Variants in TVP23A observed in about 807,000 individuals in gnomAD.
The protein encoded by TVP23A is trans-golgi network vesicle protein 23 homolog A, also known as Golgi apparatus membrane protein TVP23 homolog A.
In TVP23A, 21 loss-of-function variants were observed where a neutral mutation model predicts 31.7. The ratio of observed to expected loss-of-function variants is 0.66; its 90% CI spans 0.47 to 0.95. TVP23A has a LOEUF of 0.95. TVP23A is among the 40% of genes least tolerant of loss of function. TVP23A has a pLI of 0.00. For synonymous variants in TVP23A, 104 were observed against 96.0 expected, an observed-to-expected ratio of 1.08 and a Z score of -0.49; for missense variants, 279 against 255.6, an observed-to-expected ratio of 1.09 and a Z score of -0.62.
chr16:10,776,267 C>T (rs1442638957), intron 2 of TVP23A, among the ~76,000 whole-genome samples: 2 of 151,668 alleles, frequency 1.3e-5, no homozygotes, highest in East Asian at 2.0e-4. Flanking sequence ...CCCAGCTACT[C>T]GGAAGGCTGA....
Position 10,777,054 on chromosome 16 carries a change from T to A in TVP23A, c.90-1958A>T, listed in dbSNP as rs572907744. On this transcript the variant is annotated intron_variant, in intron 2 of 7. Transcript: ENST00000299866. This position sits in a 1 kb window ranked among gnomAD's most constrained non-coding sequence, Gnocchi z 4.5. ...TTAGAATGCCTTAACCGTCCAGGAA[T>A]GCAGCCCAGTAGGTCTCAGCCTCGT... is the stretch of plus-strand genomic sequence containing the variant. 2.0e-5 allele frequency among the ~76,000 whole-genome samples: 3 copies of A among 152,324 alleles called. No individual in the cohort carries two copies. The highest frequency in any genetic ancestry group is 2.0e-4 in the Admixed American group (3 of 15,298).
At chr16:10,795,754 T>TA (rs1160278460) in intron 2 of TVP23A, among the ~76,000 whole-genome samples, 1 of 152,130 alleles carries the variant, frequency 6.6e-6, no homozygotes, top group Non-Finnish European at 1.5e-5. Flanking sequence ...AATGAAATGA[T>TA]AGAGTCAGAA....
In TVP23A at chr16:10,773,354, A is replaced by C. The variant is rs2031764910; in HGVS notation, c.412T>G (p.Phe138Val). Residue 138 changes from phenylalanine (F) to valine (V), a missense_variant, in exon 5 of 8, where the codon TTT (phenylalanine) becomes GTT (valine). By Grantham distance (50) the Phe-to-Val change is conservative. Transcript: ENST00000299866. ...LIICPMIWIV[F>V]FFSTLFSLKL... ...AAGGAAAATAAGGTGCTAAAAAAAAACACAATCCATATCATGGGGCAGATT... is the reference window on the plus strand; with the variant it reads ...AAGGAAAATAAGGTGCTAAAAAAAACCACAATCCATATCATGGGGCAGATT... 1.9e-6 allele frequency: 3 copies of C among 1,610,846 alleles called. No individual in the cohort carries two copies. The highest frequency in any genetic ancestry group is 2.2e-5 in the South Asian group (2 of 89,744).
chr16:10,766,078 A>G (rs1377390945), downstream of TVP23A: 2 of 152,392 alleles, frequency 1.3e-5, no homozygotes, highest in East Asian at 3.8e-4. The surrounding 1 kb of genome is among the most constrained non-coding windows in gnomAD (Gnocchi z 4.8). Context: ...ACAGCACTTC[A>G]GTCTCCTCTG....
intron 2 of TVP23A, chr16:10,775,518 G>C (rs1280413641): frequency 1.2e-5 from 12 of 1,039,150 alleles, no homozygotes; most frequent in Non-Finnish European, 1.3e-5. Flanking sequence ...CACGGGGCAG[G>C]TGTCTCATGT....
At chr16:10,802,576 G>A (rs746764260) in intron 2 of TVP23A, among the ~76,000 whole-genome samples, 9 of 152,040 alleles carry the variant, frequency 5.9e-5, no homozygotes, top group African/African-American at 1.4e-4. Flanking sequence ...CAGTGCACTC[G>A]TCCAATTAGT....
At chr16:10,802,101 TACACACACAC>T (rs146939902) in intron 2 of TVP23A, among the ~76,000 whole-genome samples, 123 of 147,986 alleles carry the variant, frequency 8.3e-4, no homozygotes, top group African/African-American at 2.9e-3. Context: ...CAAATACACA[TACACACACAC>T]ACACACACAC....
intron 2 of TVP23A, among the ~76,000 whole-genome samples, chr16:10,797,208 G>A (rs1041254142): frequency 6.6e-6 from 1 of 151,694 alleles, no homozygotes; most frequent in Non-Finnish European, 1.5e-5. Context: ...AAGATTGAAA[G>A]TTCAGAAAAT....
At chr16:10,780,238 G>C (rs1235710334) in intron 2 of TVP23A, among the ~76,000 whole-genome samples, 1 of 152,184 alleles carries the variant, frequency 6.6e-6, no homozygotes, top group East Asian at 1.9e-4. Flanking sequence ...TCCAGGTGCT[G>C]GGGTGATTAC....
downstream of TVP23A, among the ~76,000 whole-genome samples, chr16:10,758,288 T>C (rs1312725758): frequency 3.3e-5 from 5 of 152,082 alleles, no homozygotes; most frequent in South Asian, 2.1e-4. Context: ...CTGAAAAACA[T>C]AGCAAAACCC....
intron 2 of TVP23A, among the ~76,000 whole-genome samples, chr16:10,785,204 C>G (rs376991197): frequency 1.3e-5 from 2 of 151,552 alleles, no homozygotes; most frequent in South Asian, 2.1e-4. Context: ...CAGGAGCTCA[C>G]GACCAGCCTG....
Position 10,773,563 on chromosome 16 carries a change from G to A in TVP23A, c.325-122C>T, listed in dbSNP as rs532304798. The A allele has an allele frequency of 1.2e-5, 15 of 1,263,768 alleles. No individual in the cohort carries two copies. The East Asian group carries it at 2.9e-4, about 25-fold the overall frequency. The allele number at this position is 1,263,768 out of a possible 1,614,324, so 78.3% of individuals were successfully genotyped here. A position where few individuals can be genotyped will look rare whatever the true frequency, so the allele number is the denominator to read the frequency against. On this transcript the variant is annotated intron_variant, in intron 4 of 7. Coordinates refer to ENST00000299866, the MANE Select transcript of TVP23A (RefSeq NM_001079512.4). The stretch of plus-strand genomic sequence containing the variant: ...GTTGCTGTGGGATTTTTTGTTGTTG[G>A]TGTTGTTTTGTTTTGTTTTGTTTTT...
chr16:10,767,415 G>C lies in TVP23A; in HGVS notation c.*1687C>G. On this transcript the variant is annotated 3_prime_UTR_variant, in exon 8 of 8. Transcript: ENST00000299866. The surrounding 1 kb of genome is among the most constrained non-coding windows in gnomAD (Gnocchi z 4.6). ...GATAAAATTATACACAGACAAAGCA[G>C]CAGGCAGAATGTGTGTGTCATGTGC... is the stretch of plus-strand genomic sequence containing the variant. 1 of 400,170 alleles carries C rather than the reference G, an allele frequency of 2.5e-6. No homozygotes were observed. Among genetic ancestry groups the C allele is most frequent in the Non-Finnish European group, 4.4e-6 (1 of 227,308 alleles). 24.8% of individuals were successfully genotyped at this position (400,170 alleles called of 1,614,324 possible). A position where few individuals can be genotyped will look rare whatever the true frequency, so the allele number is the denominator to read the frequency against.
downstream of TVP23A, among the ~76,000 whole-genome samples, chr16:10,759,592 G>A (rs1900798999): frequency 6.6e-6 from 1 of 152,118 alleles, no homozygotes; most frequent in African/African-American, 2.4e-5. The surrounding 1 kb of genome is among the most constrained non-coding windows in gnomAD (Gnocchi z 4.7). Flanking sequence ...TGGCCAATAT[G>A]GCAAAACCCT....
rs1555485950 is a variant in TVP23A, at chr16:10,803,268, T to TGTGTGTGTGTGTGTGTGTGTGTGTGTGC, written c.89+14834_89+14835insGCACACACACACACACACACACACACAC. ...CACTGTGTGTGTGTGTGTGTGTGTG[T>TGTGTGTGTGTGTGTGTGTGTGTGTGTGC]GTGTGTGTGTGTGTGTGTCAGAGTC... is the stretch of plus-strand genomic sequence containing the variant. On this transcript the variant is annotated intron_variant, in intron 2 of 7. Transcript: ENST00000299866. Among the ~76,000 whole-genome samples, 486 of 151,394 alleles carry TGTGTGTGTGTGTGTGTGTGTGTGTGTGC rather than the reference T, an allele frequency of 3.2e-3. 3 individuals carry two copies. Among genetic ancestry groups the TGTGTGTGTGTGTGTGTGTGTGTGTGTGC allele is most frequent in the East Asian group, 0.023 (116 of 5,038 alleles).
Position 10,774,234 on chromosome 16 carries a change from G to A in TVP23A, c.235-106C>T. 5.1e-6 allele frequency: 4 copies of A among 780,040 alleles called. No individual in the cohort carries two copies. In the South Asian group the frequency reaches 6.4e-5, roughly 13 times the overall value. The allele number at this position is 780,040 out of a possible 1,614,324, so 48.3% of individuals were successfully genotyped here. On this transcript the variant is annotated intron_variant, in intron 3 of 7. Coordinates refer to ENST00000299866, the MANE Select transcript of TVP23A (RefSeq NM_001079512.4). ...GATTCATTTCAGACTTGTACTGGGA[G>A]CAGGAAGAAAAAAGGCCTTGAATTG...
chr16:10,761,804 G>T, downstream of TVP23A: 1 of 1,614,096 alleles, frequency 6.2e-7, no homozygotes, highest in Non-Finnish European at 8.5e-7. Context: ...CGGAGCTCAT[G>T]TGCCAGGACT....
chr16:10,807,537 T>G (rs1299656930), intron 2 of TVP23A, among the ~76,000 whole-genome samples: 1 of 152,146 alleles, frequency 6.6e-6, no homozygotes, highest in Admixed American at 6.5e-5. Flanking sequence ...TTTTTCATTG[T>G]CACATCTGAG....
At chr16:10,781,905 A>C (rs1412688681) in intron 2 of TVP23A, among the ~76,000 whole-genome samples, 2 of 112,746 alleles carry the variant, frequency 1.8e-5, no homozygotes, top group African/African-American at 7.2e-5. Context: ...TCTGTTGCCC[A>C]GGCTGGAGTG....
Sources: gnomAD v4.1 joint callset for allele counts (sites outside exome capture counted in the v4.1 genomes callset) on GRCh38, gnomAD v4.1.1 for gene constraint, Gnocchi (gnomAD v3.1) non-coding constraint, MANE v1.5 for transcripts, NCBI Gene and HGNC (gene_info 2026-07-23, HGNC 2026-07-21) for gene names.